Variants in SYT16 observed in about 807,000 individuals in gnomAD.
The protein encoded by SYT16 is synaptotagmin-16.
SYT16 carries 42 observed loss-of-function variants against 61.4 expected under a neutral mutation model. The observed-to-expected ratio is 0.68, with a 90% CI of 0.53 to 0.89. The LOEUF is 0.89. Among genes scored for constraint, SYT16 ranks in the 40% least tolerant of loss-of-function variants. SYT16 has a pLI of 0.00. For missense variants in SYT16, 804 were observed against 807.3 expected, an observed-to-expected ratio of 1.00 and a Z score of 0.05; for synonymous variants, 314 against 302.3, an observed-to-expected ratio of 1.04 and a Z score of -0.40.
intron 4 of SYT16, among the ~76,000 whole-genome samples, chr14:62,070,658 G>C (rs142901082): frequency 3.9e-5 from 6 of 152,254 alleles, no homozygotes; most frequent in African/African-American, 1.4e-4. Context: ...GTATCTATCT[G>C]ACTCCTTCAT....
intron 6 of SYT16, among the ~76,000 whole-genome samples, chr14:62,083,982 A>G (rs1003280874): frequency 2.0e-5 from 3 of 152,186 alleles, no homozygotes; most frequent in African/African-American, 7.2e-5. Context: ...GAATGGAGAC[A>G]GCTCTTGAAA....
chr14:61,914,366 G>T lies in SYT16; in HGVS notation c.-324-55766G>T, dbSNP rs74810450. Among the ~76,000 whole-genome samples, 857 of 152,258 alleles carry T rather than the reference G, an allele frequency of 5.6e-3. 32 individuals carry two copies. In the East Asian group the frequency reaches 0.079, roughly 14 times the overall value. ...GGCTGAATCATGCTGTCTATATGAA[G>T]GGATCTCATTCAGTCCCATGCACAC... On this transcript the variant is annotated intron_variant, in intron 1 of 7. Coordinates refer to ENST00000683842, the MANE Select transcript of SYT16 (RefSeq NM_001367656.1).
rs1365906845 is a variant in SYT16, at chr14:62,108,498, T to TC, written c.*7792dup. On this transcript the variant is annotated 3_prime_UTR_variant, in exon 8 of 8. Transcript: ENST00000683842. The stretch of plus-strand genomic sequence containing the variant: ...GATAGTTGCATTCTAGGACCATGTT[T>TC]CTTTTTTGAGAGTGTTTCTTTGTCA... 6.6e-6 allele frequency: 1 copy of TC among 152,204 alleles called. No homozygotes were observed. The highest frequency in any genetic ancestry group is 1.5e-5 in the Non-Finnish European group (1 of 68,028). 9.4% of individuals were successfully genotyped at this position (152,204 alleles called of 1,614,324 possible). A position where few individuals can be genotyped will look rare whatever the true frequency, so the allele number is the denominator to read the frequency against.
At chr14:61,919,377 C>A (rs1450005006) in intron 1 of SYT16, among the ~76,000 whole-genome samples, 14 of 152,204 alleles carry the variant, frequency 9.2e-5, no homozygotes, top group Non-Finnish European at 1.5e-5. Context: ...TGCAAAGGTA[C>A]ACAAATTTAT....
In SYT16 at chr14:62,102,887, T is replaced by C. The variant is rs2057448325; in HGVS notation, c.*2180T>C. 6.6e-6 allele frequency: 1 copy of C among 152,204 alleles called. No homozygotes were observed. The highest frequency in any genetic ancestry group is 1.5e-5 in the Non-Finnish European group (1 of 68,030). 9.4% of individuals were successfully genotyped at this position (152,204 alleles called of 1,614,324 possible). A position where few individuals can be genotyped will look rare whatever the true frequency, so the allele number is the denominator to read the frequency against. ...AGGTTTTCGGCTGGTGTAGTGAAGA[T>C]ATTTGTGTGCTTGATCTGCCTTCCA... On this transcript the variant is annotated 3_prime_UTR_variant, in exon 8 of 8. Transcript: ENST00000683842.
chr14:61,879,721 A>C (rs1469237077), intron 1 of SYT16, among the ~76,000 whole-genome samples: 1 of 151,900 alleles, frequency 6.6e-6, no homozygotes, highest in African/African-American at 2.4e-5. Flanking sequence ...TTCCTTTTTT[A>C]CTAGTTTAGA....
At chr14:61,903,753 G>A (rs217652) in intron 1 of SYT16, among the ~76,000 whole-genome samples, 2 of 152,086 alleles carry the variant, frequency 1.3e-5, no homozygotes, top group Non-Finnish European at 2.9e-5. Context: ...ATTGGTCTTT[G>A]TCCTGGCCAG....
intron 3 of SYT16, among the ~76,000 whole-genome samples, chr14:61,999,731 TA>T (rs1277062365): frequency 6.6e-6 from 1 of 151,900 alleles, no homozygotes; most frequent in Non-Finnish European, 1.5e-5. Context: ...CTGTATCTAA[TA>T]AGTATGAATG....
At chr14:61,998,915 A>G (rs753514153) in intron 3 of SYT16, among the ~76,000 whole-genome samples, 8 of 151,924 alleles carry the variant, frequency 5.3e-5, no homozygotes, top group Admixed American at 3.3e-4. Flanking sequence ...TGAGATGATC[A>G]TATGATTTTT....
chr14:62,034,986 C>G (rs1209141333), intron 3 of SYT16, among the ~76,000 whole-genome samples: 1 of 152,162 alleles, frequency 6.6e-6, no homozygotes, highest in East Asian at 1.9e-4. Context: ...GTGTCCTACC[C>G]CGAAAGCTTC....
chr14:61,890,943 G>T (rs987622903), intron 1 of SYT16, among the ~76,000 whole-genome samples: 1 of 152,116 alleles, frequency 6.6e-6, no homozygotes, highest in Admixed American at 6.5e-5. Flanking sequence ...ATATTCTGGG[G>T]AAATAAATAT....
intron 1 of SYT16, among the ~76,000 whole-genome samples, chr14:61,903,637 G>A (rs2140362756): frequency 6.6e-6 from 1 of 152,300 alleles, no homozygotes; most frequent in African/African-American, 2.4e-5. Context: ...TTAAGTAGGT[G>A]CTTAATAAAT....
At chr14:61,920,180 C>T (rs1174771441) in intron 1 of SYT16, among the ~76,000 whole-genome samples, 2 of 152,166 alleles carry the variant, frequency 1.3e-5, no homozygotes, top group Non-Finnish European at 2.9e-5. Flanking sequence ...GTTGCTTCCT[C>T]CTACCCTTTT....
At chr14:62,025,739 C>T (rs1170463685) in intron 3 of SYT16, among the ~76,000 whole-genome samples, 6 of 151,664 alleles carry the variant, frequency 4.0e-5, no homozygotes, top group Non-Finnish European at 5.9e-5. Flanking sequence ...TTGGGGGGTG[C>T]TAATGTAAGT....
intron 3 of SYT16, among the ~76,000 whole-genome samples, chr14:62,045,962 A>T (rs1383986051): frequency 6.6e-6 from 1 of 152,218 alleles, no homozygotes; most frequent in African/African-American, 2.4e-5. Flanking sequence ...CTTTGGGTAT[A>T]TACCCAGTAA....
intron 1 of SYT16, among the ~76,000 whole-genome samples, chr14:61,967,480 G>C (rs904314008): frequency 2.6e-5 from 4 of 152,148 alleles, no homozygotes; most frequent in Non-Finnish European, 5.9e-5. Flanking sequence ...GTTCTCTGGA[G>C]GCTCTGAGGG....
rs541362811 is a variant in SYT16, at chr14:61,894,762, A to G, written c.-324-75370A>G. Among the ~76,000 whole-genome samples, 255 of 152,296 alleles carry G rather than the reference A, an allele frequency of 1.7e-3. 1 individual carries two copies. Among genetic ancestry groups the G allele is most frequent in the African/African-American group, 5.8e-3 (241 of 41,560 alleles). Reference sequence around the variant, plus strand: ...ACTTCATTTCCTAATTGGGATGACAAATCTTCCCTGTGGCTAAGTAGGAAA... The same window carrying G: ...ACTTCATTTCCTAATTGGGATGACAGATCTTCCCTGTGGCTAAGTAGGAAA... On this transcript the variant is annotated intron_variant, in intron 1 of 7. Coordinates refer to ENST00000683842, the MANE Select transcript of SYT16 (RefSeq NM_001367656.1).
At chr14:61,812,411 G>T (rs2045297339), upstream of SYT16, 1 of 152,290 alleles carries the variant, frequency 6.6e-6, no homozygotes, top group Admixed American at 6.5e-5. Flanking sequence ...AGGAAAGGTG[G>T]CGTGGAGAGG....
chr14:61,868,652 T>C (rs1234290212), intron 1 of SYT16, among the ~76,000 whole-genome samples: 1 of 152,046 alleles, frequency 6.6e-6, no homozygotes, highest in Non-Finnish European at 1.5e-5. Context: ...TATTTAACTC[T>C]CTTTCAATAA....
Sources: gnomAD v4.1 joint callset for allele counts (sites outside exome capture counted in the v4.1 genomes callset) on GRCh38, gnomAD v4.1.1 for gene constraint, MANE v1.5 for transcripts, NCBI Gene and HGNC (gene_info 2026-07-23, HGNC 2026-07-21) for gene names.